The following SH3TC1 variants were observed in gnomAD, a reference collection of about 807,000 sequenced individuals.
SH3TC1 encodes the protein SH3 domain and tetratricopeptide repeat-containing protein 1.
A neutral mutation model predicts 117.3 loss-of-function variants in SH3TC1; 135 were observed. That is an observed-to-expected ratio of 1.15 (90% confidence interval 1.00 to 1.33). The LOEUF (loss-of-function observed/expected upper bound fraction) is 1.33. SH3TC1 is among the 40% of genes most tolerant of loss of function. The pLI is 0.00. For synonymous variants in SH3TC1, 898 were observed against 816.9 expected, an observed-to-expected ratio of 1.10 and a Z score of -1.69; for missense variants, 2,092 against 1,794.3, an observed-to-expected ratio of 1.17 and a Z score of -3.00.
upstream of SH3TC1, among the ~76,000 whole-genome samples, chr4:8,194,790 C>T (rs917297030): frequency 1.3e-5 from 2 of 152,166 alleles, no homozygotes; most frequent in East Asian, 1.9e-4. Flanking sequence ...GCTTGGTGCT[C>T]GAAGGAGTGG....
chr4:8,232,224 A>G, intron 13 of SH3TC1, 68 bp downstream of exon 13: 1 of 1,307,984 alleles, frequency 7.6e-7, no homozygotes, highest in Non-Finnish European at 1.0e-6. Context: ...GCGGGGGCAC[A>G]GGGAAGCTGG....
chr4:8,200,936 C>A (rs561970495), intron 1 of SH3TC1, among the ~76,000 whole-genome samples: 1 of 152,348 alleles, frequency 6.6e-6, no homozygotes, highest in East Asian at 1.9e-4. Context: ...TTAGGGCCAT[C>A]CTCATCTGGA....
At chr4:8,185,483 C>G (rs1302226133) in intron 1 of SH3TC1, among the ~76,000 whole-genome samples, 1 of 152,094 alleles carries the variant, frequency 6.6e-6, no homozygotes, top group African/African-American at 2.4e-5. Context: ...ACCGACTCAG[C>G]TCCCCACTGT....
chr4:8,232,605 G>T, intron 13 of SH3TC1: 1 of 1,341,000 alleles, frequency 7.5e-7, no homozygotes, highest in Non-Finnish European at 9.8e-7. Flanking sequence ...GCTTCCCTGG[G>T]GCAGGGTTTC....
rs1717144731 is a variant in SH3TC1, at chr4:8,183,651, T to C, written c.-57+1441T>C. Among the ~76,000 whole-genome samples, 1 of 152,186 alleles carries C rather than the reference T, an allele frequency of 6.6e-6. No homozygotes were observed. Among genetic ancestry groups the C allele is most frequent in the African/African-American group, 2.4e-5 (1 of 41,444 alleles). ...GAATCCTCTTAGATTTACAAAACAG[T>C]CAGGAAGACAGTTCAGAGAGTTCTC... On this transcript the variant is annotated intron_variant, in intron 1 of 16. Transcript: ENST00000508641. This position sits in a 1 kb window ranked among gnomAD's most constrained non-coding sequence, Gnocchi z 5.4.
intron 4 of SH3TC1, 152 bp from the exon 5 acceptor site, chr4:8,214,323 G>A (rs1398416404): frequency 3.1e-6 from 2 of 642,596 alleles, no homozygotes; most frequent in Non-Finnish European, 5.3e-6. Context: ...CAGGGGAGGA[G>A]CTGACTTGGG....
At chr4:8,189,049 G>A (rs566736344) in intron 1 of SH3TC1, among the ~76,000 whole-genome samples, 1 of 152,396 alleles carries the variant, frequency 6.6e-6, no homozygotes, top group South Asian at 2.1e-4. Context: ...TGCCCACACA[G>A]CTTTGCCTCA....
chr4:8,236,387 T>C lies in SH3TC1; in HGVS notation c.3515T>C (p.Leu1172Ser), dbSNP rs1313010649. Residue 1172 changes from leucine to serine, a missense_variant, in exon 16 of 18, where the codon TTG becomes TCG. Transcript: ENST00000245105. ...ACGCTGGAGGAGCCCCAGGAGGGCT[T>C]GGAGTTTGCCCACATGGCCCTAGCA... ...LATLEEPQEGLEFAHMALALS... is the reference protein window; with the variant it reads ...LATLEEPQEGSEFAHMALALS... 1 of 1,537,332 alleles carries C rather than the reference T, an allele frequency of 6.5e-7. No individual in the cohort carries two copies. Among genetic ancestry groups the C allele is most frequent in the East Asian group, 2.5e-5 (1 of 40,254 alleles).
At chr4:8,195,695 CA>C (rs1034319760), upstream of SH3TC1, among the ~76,000 whole-genome samples, 2 of 152,162 alleles carry the variant, frequency 1.3e-5, no homozygotes, top group African/African-American at 4.8e-5. Context: ...AAAACAAACA[CA>C]GGGGAAGCCA....
At chr4:8,191,785 G>A (rs1370809430) in intron 1 of SH3TC1, among the ~76,000 whole-genome samples, 2 of 152,004 alleles carry the variant, frequency 1.3e-5, no homozygotes, top group African/African-American at 2.4e-5. Context: ...TGCCTTGGGA[G>A]GTGTGCGGGG....
chr4:8,216,337 C>T, intron 6 of SH3TC1, 80 bp downstream of exon 6: 1 of 1,535,064 alleles, frequency 6.5e-7, no homozygotes, highest in Non-Finnish European at 8.8e-7. Context: ...CTGGATCCCG[C>T]TGTGCTGAGC....
intron 3 of SH3TC1, 127 bp from the exon 4 acceptor site, chr4:8,212,574 C>T: frequency 2.2e-6 from 3 of 1,337,532 alleles, no homozygotes; most frequent in East Asian, 2.5e-5. Flanking sequence ...TTGGGCTCCC[C>T]AGGAGCTCAC....
intron 5 of SH3TC1, 90 bp downstream of exon 5, chr4:8,214,670 CTTTG>C (rs778918088): frequency 3.1e-6 from 3 of 972,854 alleles, no homozygotes; most frequent in Non-Finnish European, 4.8e-6. Flanking sequence ...CAAACTGGTG[CTTTG>C]TTTATTTATT....
At chr4:8,198,484 C>T (rs1303801439), upstream of SH3TC1, among the ~76,000 whole-genome samples, 6 of 152,250 alleles carry the variant, frequency 3.9e-5, no homozygotes, top group African/African-American at 7.2e-5. Flanking sequence ...GGCAGACAGG[C>T]GGGACCAACA....
In SH3TC1 at chr4:8,222,835, T is replaced by C. The variant is rs201828895; in HGVS notation, c.1113-5T>C. The C allele has an allele frequency of 9.8e-4, 1,570 of 1,608,162 alleles. 15 individuals are homozygous for C. The highest frequency in any genetic ancestry group is 2.8e-4 in the Non-Finnish European group (325 of 1,174,962). On this transcript the variant is annotated splice_region_variant and splice_polypyrimidine_tract_variant and intron_variant, in intron 9 of 17. Transcript: ENST00000245105. ...GTTTTGAATAAAGCACTTTATTTTT[T>C]CCAGGTTGGAAAGTGCGATTTTTCT...
chr4:8,218,790 G>A lies in SH3TC1; in HGVS notation c.916+443G>A, dbSNP rs1164871078. 5.9e-5 allele frequency among the ~76,000 whole-genome samples: 9 copies of A among 152,274 alleles called. No individual in the cohort carries two copies. The East Asian group carries it at 1.2e-3, about 20-fold the overall frequency. Reference sequence around the variant, plus strand: ...TTGCCACGTGCACTAACAGAGGACCGTGACCGCGTCCTCTTTATGAAAAGC... The same window carrying A: ...TTGCCACGTGCACTAACAGAGGACCATGACCGCGTCCTCTTTATGAAAAGC... On this transcript the variant is annotated intron_variant, in intron 8 of 17. Transcript: ENST00000245105.
At chr4:8,221,944 A>G (rs1044382589) in intron 9 of SH3TC1, among the ~76,000 whole-genome samples, 16 of 152,194 alleles carry the variant, frequency 1.1e-4, no homozygotes, top group Non-Finnish European at 2.2e-4. Context: ...AGCTACTCTA[A>G]GTTTTTTTAA....
At chr4:8,233,921 A>G (rs973155214) in intron 14 of SH3TC1, among the ~76,000 whole-genome samples, 6 of 130,060 alleles carry the variant, frequency 4.6e-5, no homozygotes, top group Non-Finnish European at 8.2e-5. Context: ...TCATTCATCC[A>G]CTCTTTTGTC....
At chr4:8,229,926 C>G (rs1004247884) in intron 12 of SH3TC1, among the ~76,000 whole-genome samples, 1 of 149,544 alleles carries the variant, frequency 6.7e-6, no homozygotes. Flanking sequence ...CTCCCCACCC[C>G]GCGTTGAACA....
Sources: allele counts gnomAD v4.1 joint callset (sites outside exome capture counted in the v4.1 genomes callset), GRCh38; gene constraint gnomAD v4.1.1; non-coding constraint Gnocchi (gnomAD v3.1); transcripts MANE v1.5; gene names NCBI Gene and HGNC (gene_info 2026-07-23, HGNC 2026-07-21).